The following BIRC6 variants were observed in gnomAD, a reference collection of about 807,000 sequenced individuals.
BIRC6 encodes baculoviral IAP repeat containing 6.
A neutral mutation model predicts 503.3 loss-of-function variants in BIRC6; 98 were observed. The ratio of observed to expected loss-of-function variants is 0.19; its 90% CI spans 0.17 to 0.23. The LOEUF is 0.23. Among genes scored for constraint, BIRC6 ranks in the 10% least tolerant of loss-of-function variants. The probability of loss-of-function intolerance (pLI) is 1.00; values close to 1 mark genes in which losing one functional copy is unlikely to be tolerated. For missense variants in BIRC6, 5,360 were observed against 5,806.0 expected (o/e 0.92, Z 2.50); for synonymous variants, 2,240 against 2,078.7 (o/e 1.08, Z -2.11).
chr2:32,541,349 C>G (rs1182297325), intron 61 of BIRC6, among the ~76,000 whole-genome samples: 1 of 152,074 alleles, frequency 6.6e-6, no homozygotes, highest in Non-Finnish European at 1.5e-5. Flanking sequence ...TGAAAATAAG[C>G]TGGCATCAAA....
chr2:32,521,630 G>A (rs1201107581), intron 57 of BIRC6, among the ~76,000 whole-genome samples: 1 of 125,342 alleles, frequency 8.0e-6, no homozygotes, highest in African/African-American at 3.1e-5. Context: ...CACCACACTC[G>A]GCTAATTTTT....
At chr2:32,467,298 C>A (rs1312527871) in intron 26 of BIRC6, among the ~76,000 whole-genome samples, 44 of 152,186 alleles carry the variant, frequency 2.9e-4, no homozygotes, top group Admixed American at 2.6e-3. Flanking sequence ...TGCCCAGCTA[C>A]TCTTAATTTT....
chr2:32,405,803 A>C (rs1411776898), intron 8 of BIRC6, among the ~76,000 whole-genome samples: 1 of 152,218 alleles, frequency 6.6e-6, no homozygotes, highest in African/African-American at 2.4e-5. Flanking sequence ...TCAGTAATAG[A>C]ATAGTTCTTA....
rs147312582 is a variant in BIRC6, at chr2:32,605,674, A to G, written c.14071-1781A>G. ...GGAGTTCAAGAACAGACTGGCCAAT[A>G]TGGAGATACCCCATCTCTACTAAAA... On this transcript the variant is annotated intron_variant, in intron 71 of 73. Coordinates refer to ENST00000421745, the MANE Select transcript of BIRC6 (RefSeq NM_016252.4). Among the ~76,000 whole-genome samples the G allele has an allele frequency of 7.9e-5, 12 of 152,182 alleles. No homozygotes were observed. In the East Asian group the frequency reaches 9.7e-4, roughly 12 times the overall value.
rs2033288001 is a variant in BIRC6 at position 32,357,586 on chromosome 2, GCAGGGCTGGGGGTTCGGGCC to G, written c.325+104_325+123del. ...CTCGGGGAAGCGAGATGGCGAGAGG[GCAGGGCTGGGGGTTCGGGCC>G]CAGCCGTGAAGGGAGGCCCGGAAGC... On this transcript the variant is annotated intron_variant, in intron 1 of 73. Coordinates refer to ENST00000421745, the MANE Select transcript of BIRC6 (RefSeq NM_016252.4). This position sits in a 1 kb window ranked among gnomAD's most constrained non-coding sequence, Gnocchi z 4.9. The G allele has an allele frequency of 2.7e-6, 4 of 1,487,728 alleles. No homozygotes were observed. Among genetic ancestry groups the G allele is most frequent in the Non-Finnish European group, 3.6e-6 (4 of 1,125,382 alleles). The allele number at this position is 1,487,728 out of a possible 1,614,324, so 92.2% of individuals were successfully genotyped here.
At chr2:32,428,990 G>A (rs1443392869) in intron 10 of BIRC6, among the ~76,000 whole-genome samples, 156 bp from the exon 11 acceptor site, 1 of 151,516 alleles carries the variant, frequency 6.6e-6, no homozygotes, top group Non-Finnish European at 1.5e-5. Context: ...TAATTCCTTG[G>A]CAATTAAATT....
chr2:32,409,457 A>G (rs928719205), intron 9 of BIRC6, among the ~76,000 whole-genome samples: 18 of 152,190 alleles, frequency 1.2e-4, no homozygotes, highest in Admixed American at 7.2e-4. Flanking sequence ...TGCCCGGCCT[A>G]TTGAAATATA....
intron 61 of BIRC6, among the ~76,000 whole-genome samples, chr2:32,541,731 G>T (rs1393114159): frequency 6.6e-6 from 1 of 152,134 alleles, no homozygotes; most frequent in East Asian, 1.9e-4. Context: ...AATGCAATGA[G>T]AAGTTTGTAG....
intron 61 of BIRC6, among the ~76,000 whole-genome samples, chr2:32,534,950 A>T (rs2057095157): frequency 6.6e-6 from 1 of 151,798 alleles, no homozygotes; most frequent in East Asian, 1.9e-4. Flanking sequence ...TCAATTCAAC[A>T]TGTAAGAAAC....
chr2:32,505,260 T>A, intron 50 of BIRC6, 55 bp downstream of exon 50: 1 of 1,417,570 alleles, frequency 7.1e-7, no homozygotes, highest in Non-Finnish European at 9.7e-7. Context: ...TTTAGAAATA[T>A]TTGAAAATAA....
intron 66 of BIRC6, among the ~76,000 whole-genome samples, chr2:32,582,755 C>G (rs1357698008): frequency 6.6e-6 from 1 of 151,942 alleles, no homozygotes; most frequent in Non-Finnish European, 1.5e-5. Flanking sequence ...GACTCTGTCT[C>G]AAAAACAAAC....
intron 45 of BIRC6, among the ~76,000 whole-genome samples, chr2:32,498,782 C>T (rs538847882): frequency 9.2e-5 from 14 of 152,210 alleles, no homozygotes; most frequent in Admixed American, 2.0e-4. Context: ...GATGGGGTTT[C>T]GCCATGTTGG....
At chr2:32,552,880 TTA>T (rs1572966552) in intron 65 of BIRC6, among the ~76,000 whole-genome samples, 1 of 149,736 alleles carries the variant, frequency 6.7e-6, no homozygotes, top group Admixed American at 6.7e-5. Flanking sequence ...ATATTTATAT[TTA>T]TGTTTACTTA....
At chr2:32,594,754 A>G (rs1363634013) in intron 67 of BIRC6, among the ~76,000 whole-genome samples, 4 of 149,382 alleles carry the variant, frequency 2.7e-5, no homozygotes, top group Non-Finnish European at 4.4e-5. Flanking sequence ...ATATTTTCCT[A>G]TGTTAGCTGA....
intron 70 of BIRC6, among the ~76,000 whole-genome samples, chr2:32,601,607 C>T (rs2062064265): frequency 6.6e-6 from 1 of 151,866 alleles, no homozygotes; most frequent in Non-Finnish European, 1.5e-5. Context: ...ACCTATTATC[C>T]AAATCTGTTG....
chr2:32,570,477 C>T (rs1337514125), intron 65 of BIRC6, among the ~76,000 whole-genome samples: 3 of 150,842 alleles, frequency 2.0e-5, no homozygotes, highest in Admixed American at 6.6e-5. Context: ...AGCTACAGTG[C>T]GTGGCCATTT....
intron 3 of BIRC6, among the ~76,000 whole-genome samples, chr2:32,383,856 G>A (rs915045749): frequency 6.6e-6 from 1 of 152,160 alleles, no homozygotes. Context: ...AGTTGTAATT[G>A]TTACTTCATC....
chr2:32,575,432 G>A (rs1441484671), intron 66 of BIRC6, 66 bp downstream of exon 66: 6 of 1,477,654 alleles, frequency 4.1e-6, no homozygotes, highest in Non-Finnish European at 5.7e-6. Context: ...TAACTCCATG[G>A]GTGTTTTTGT....
In BIRC6 at chr2:32,603,068, C is replaced by G. The variant is rs762530808; in HGVS notation, c.14055C>G (p.Thr4685=). The change falls in exon 71 of 74, where the codon ACC becomes ACG. Residue 4685 remains threonine, a synonymous_variant. Coordinates refer to ENST00000421745, the MANE Select transcript of BIRC6 (RefSeq NM_016252.4). ...GRPEEKWNPQ[T]SSFLQVLVSV... is the part of the protein sequence containing the mutation. Reference sequence around the variant, plus strand: ...CAGAAGAGAAGTGGAATCCTCAGACCTCAAGCTTTTTGCAAGTAAACAAAA... The same window carrying G: ...CAGAAGAGAAGTGGAATCCTCAGACGTCAAGCTTTTTGCAAGTAAACAAAA... 49 of 1,610,308 alleles carry G rather than the reference C, an allele frequency of 3.0e-5. No individual in the cohort carries two copies. The highest frequency in any genetic ancestry group is 4.0e-5 in the Non-Finnish European group (47 of 1,178,706).
Sources: gnomAD v4.1 joint callset for allele counts (sites outside exome capture counted in the v4.1 genomes callset) on GRCh38, gnomAD v4.1.1 for gene constraint, Gnocchi (gnomAD v3.1) non-coding constraint, MANE v1.5 for transcripts, NCBI Gene and HGNC (gene_info 2026-07-23, HGNC 2026-07-21) for gene names.